The following LAMA2 variants were observed in gnomAD, a reference collection of about 807,000 sequenced individuals.
LAMA2 encodes the protein laminin subunit alpha-2.
In LAMA2, 269 loss-of-function variants were observed where a neutral mutation model predicts 364.8. The observed-to-expected ratio is 0.74, with a 90% CI of 0.67 to 0.82. The LOEUF (loss-of-function observed/expected upper bound fraction) is 0.82. Among genes scored for constraint, LAMA2 ranks in the 40% least tolerant of loss-of-function variants. The probability of loss-of-function intolerance (pLI) is 0.00; values close to 1 mark genes in which losing one functional copy is unlikely to be tolerated. For synonymous variants in LAMA2, 1,379 were observed against 1,370.6 expected (o/e 1.01, Z -0.14); for missense variants, 3,807 against 3,873.2 (o/e 0.98, Z 0.45).
At chr6:129,004,482 A>G (rs1375016234) in intron 1 of LAMA2, among the ~76,000 whole-genome samples, 1 of 151,344 alleles carries the variant, frequency 6.6e-6, no homozygotes, top group East Asian at 1.9e-4. Flanking sequence ...ATATATCACT[A>G]CTTACTGACT....
intron 1 of LAMA2, among the ~76,000 whole-genome samples, chr6:128,885,848 G>A (rs142682953): frequency 1.3e-5 from 2 of 152,092 alleles, no homozygotes; most frequent in Non-Finnish European, 1.5e-5. Flanking sequence ...CATTGATTCA[G>A]CAAGAATGAT....
At chr6:129,514,681 A>G in intron 64 of LAMA2, 86 bp downstream of exon 64, 5 of 989,822 alleles carry the variant, frequency 5.1e-6, no homozygotes, top group Non-Finnish European at 7.9e-6. Context: ...GTGTCTAAGA[A>G]TGTGTGCTTA....
intron 37 of LAMA2, among the ~76,000 whole-genome samples, chr6:129,397,393 T>G (rs1779713100): frequency 1.3e-5 from 2 of 152,204 alleles, no homozygotes; most frequent in Non-Finnish European, 2.9e-5. Context: ...ATATTATACA[T>G]TAATTTACTC....
In LAMA2 at chr6:129,514,375, G is replaced by C; in HGVS notation, c.8991G>C (p.Leu2997Phe). 6.2e-7 allele frequency: 1 copy of C among 1,610,082 alleles called. No individual in the cohort carries two copies. The highest frequency in any genetic ancestry group is 8.5e-7 in the Non-Finnish European group (1 of 1,176,418). ...GMGIEMIDEKLMFHVDNGAGR... is the reference protein window; with the variant it reads ...GMGIEMIDEKFMFHVDNGAGR... ...CTGTTCTATTTCCTACTTTCCAGTT[G>C]ATGTTTCATGTGGACAATGGTGCGG... The change falls in exon 64 of 65, where the codon TTG becomes TTC. Residue 2997 changes from leucine to phenylalanine, a missense_variant and splice_region_variant. Around this residue, in one of 3 missense-constraint regions of LAMA2, gnomAD observed 3,333 missense variants for 3,345.7 expected, o/e 1.00. Transcript: ENST00000421865.
intron 2 of LAMA2, among the ~76,000 whole-genome samples, chr6:129,057,119 TTA>T (rs1788542289): frequency 2.0e-5 from 3 of 152,318 alleles, no homozygotes; most frequent in African/African-American, 7.2e-5. Flanking sequence ...TAGTTTTGCT[TTA>T]TTTTTATTGT....
chr6:128,944,976 C>T (rs534093719), intron 1 of LAMA2, among the ~76,000 whole-genome samples: 10 of 152,192 alleles, frequency 6.6e-5, no homozygotes, highest in South Asian at 2.1e-4. Flanking sequence ...CATTTCAATA[C>T]GAGATTTGGG....
intron 12 of LAMA2, among the ~76,000 whole-genome samples, chr6:129,228,619 A>G (rs906202586): frequency 2.0e-5 from 3 of 152,348 alleles, no homozygotes; most frequent in South Asian, 2.1e-4. Flanking sequence ...ACACATGTGT[A>G]TAATACAGCT....
intron 29 of LAMA2, among the ~76,000 whole-genome samples, chr6:129,337,536 C>T (rs1019983795): frequency 2.0e-5 from 3 of 152,026 alleles, no homozygotes; most frequent in African/African-American, 7.2e-5. Flanking sequence ...AACTTCACAG[C>T]TTATGCAAGA....
intron 27 of LAMA2, among the ~76,000 whole-genome samples, chr6:129,316,625 CT>C (rs1774630965): frequency 6.6e-6 from 1 of 152,098 alleles, no homozygotes; most frequent in Non-Finnish European, 1.5e-5. Flanking sequence ...GTCATTTTCC[CT>C]ATGCATCATG....
chr6:129,048,618 CTCT>C (rs1330977036), intron 1 of LAMA2, among the ~76,000 whole-genome samples: 1 of 148,802 alleles, frequency 6.7e-6, no homozygotes, highest in Non-Finnish European at 1.5e-5. Context: ...CTCTCTCTCT[CTCT>C]CTCTCTCTTT....
intron 27 of LAMA2, 36 bp downstream of exon 27, chr6:129,316,207 T>C (rs1774596429): frequency 6.5e-7 from 1 of 1,545,348 alleles, no homozygotes; most frequent in Middle Eastern, 2.3e-4. Flanking sequence ...GCTCTTATTT[T>C]AGAGTCTGTA....
intron 12 of LAMA2, among the ~76,000 whole-genome samples, chr6:129,202,368 T>C (rs968510771): frequency 1.3e-5 from 2 of 151,942 alleles, no homozygotes; most frequent in African/African-American, 2.4e-5. Flanking sequence ...GTGGGGCTTT[T>C]GGGGGAGTGA....
At chr6:129,315,341 G>T in intron 24 of LAMA2, 135 bp from the exon 25 acceptor site, 1 of 746,808 alleles carries the variant, frequency 1.3e-6, no homozygotes, top group Middle Eastern at 3.4e-4. Context: ...CCCACTGCGT[G>T]TGAGTTCTGT....
At chr6:129,460,404 T>TG in intron 49 of LAMA2, 80 bp downstream of exon 49, 3 of 1,385,366 alleles carry the variant, frequency 2.2e-6, no homozygotes, top group Non-Finnish European at 3.1e-6. Context: ...TATTCTATTA[T>TG]CATGTGGATG....
intron 1 of LAMA2, among the ~76,000 whole-genome samples, chr6:128,986,949 A>G (rs1226133918): frequency 6.6e-6 from 1 of 152,002 alleles, no homozygotes. Flanking sequence ...CTAATGTGTA[A>G]CCATTTTATT....
intron 49 of LAMA2, 24 bp from the exon 50 acceptor site, chr6:129,464,266 C>T: frequency 1.3e-6 from 2 of 1,595,858 alleles, no homozygotes; most frequent in Non-Finnish European, 8.6e-7. Context: ...TGATCTGATT[C>T]ATGTGAAATG....
At chr6:129,455,927 A>T (rs957819794) in intron 47 of LAMA2, among the ~76,000 whole-genome samples, 2 of 152,208 alleles carry the variant, frequency 1.3e-5, no homozygotes, top group Non-Finnish European at 2.9e-5. Context: ...ATTAAATTAG[A>T]CAAAATGCTG....
In LAMA2 at chr6:128,915,739, T is replaced by A. The variant is rs56413969; in HGVS notation, c.112+32382T>A. Among the ~76,000 whole-genome samples, 646 of 152,262 alleles carry A rather than the reference T, an allele frequency of 4.2e-3. 4 individuals are homozygous for A. Among genetic ancestry groups the A allele is most frequent in the African/African-American group, 0.015 (623 of 41,556 alleles). On this transcript the variant is annotated intron_variant, in intron 1 of 64. Coordinates refer to ENST00000421865, the MANE Select transcript of LAMA2 (RefSeq NM_000426.4). ...ATTGTATCACAATTTGGAATGACGT[T>A]TATGCAAGTGGATAGTCTGCCAGTT... is the stretch of plus-strand genomic sequence containing the variant.
At chr6:129,196,618 A>C (rs1781868440) in intron 12 of LAMA2, among the ~76,000 whole-genome samples, 1 of 152,202 alleles carries the variant, frequency 6.6e-6, no homozygotes, top group Non-Finnish European at 1.5e-5. Context: ...CCTCAAAATT[A>C]TTCAGAAGTG....
Sources: gnomAD v4.1 joint callset for allele counts (sites outside exome capture counted in the v4.1 genomes callset) on GRCh38, gnomAD v4.1.1 for gene constraint, gnomAD v4.1.1 regional missense constraint, MANE v1.5 for transcripts, NCBI Gene and HGNC (gene_info 2026-07-23, HGNC 2026-07-21) for gene names.